The following PTPN18 variants were observed in gnomAD, a reference collection of about 807,000 sequenced individuals.
PTPN18 encodes tyrosine-protein phosphatase non-receptor type 18.
PTPN18 carries 65 observed loss-of-function variants against 65.4 expected under a neutral mutation model. That is an observed-to-expected ratio of 0.99 (90% CI 0.81 to 1.22). PTPN18 has a LOEUF of 1.22. Ranked by LOEUF, PTPN18 falls within the 50% of genes most tolerant of loss-of-function variation. The probability of loss-of-function intolerance (pLI) is 0.00; values close to 1 mark genes in which losing one functional copy is unlikely to be tolerated. For missense variants in PTPN18, 616 were observed against 646.5 expected, an observed-to-expected ratio of 0.95 and a Z score of 0.51; for synonymous variants, 255 against 267.8, an observed-to-expected ratio of 0.95 and a Z score of 0.47.
chr2:130,362,843 G>A (rs558281060), intron 5 of PTPN18, among the ~76,000 whole-genome samples: 4 of 151,764 alleles, frequency 2.6e-5, no homozygotes, highest in East Asian at 1.9e-4. Flanking sequence ...TTTTTGAGAC[G>A]GAGCCTCGCT....
chr2:130,372,525 T>C (rs1320454240), intron 13 of PTPN18, 42 bp downstream of exon 13: 91 of 1,401,104 alleles, frequency 6.5e-5, no homozygotes, highest in Middle Eastern at 2.2e-4. Flanking sequence ...CATCCTGCTG[T>C]GATCCGCAGG....
chr2:130,372,099 A>T, intron 12 of PTPN18, 158 bp from the exon 13 acceptor site: 1 of 629,646 alleles, frequency 1.6e-6, no homozygotes, highest in Non-Finnish European at 2.6e-6. Context: ...GGCGCTAGGG[A>T]CACAGAAGCG....
chr2:130,368,883 C>T (rs1488020073), intron 5 of PTPN18: 5 of 370,756 alleles, frequency 1.3e-5, no homozygotes, highest in Middle Eastern at 7.1e-4. Flanking sequence ...GTATTTTGTC[C>T]AGTTTCTAGT....
At chr2:130,358,608 G>A (rs747493155) in intron 1 of PTPN18, among the ~76,000 whole-genome samples, 2 of 152,124 alleles carry the variant, frequency 1.3e-5, no homozygotes, top group Non-Finnish European at 2.9e-5. Context: ...GCACAATGGG[G>A]ACGTCAATAA....
chr2:130,374,260 C>T lies in PTPN18; in HGVS notation c.*1036C>T, dbSNP rs1281197174. 4.8e-6 allele frequency: 1 copy of T among 207,122 alleles called. No individual in the cohort carries two copies. The highest frequency in any genetic ancestry group is 1.0e-5 in the Non-Finnish European group (1 of 99,820). 12.8% of individuals were successfully genotyped at this position (207,122 alleles called of 1,614,324 possible). ...TCTAGGCAGACCCCAGCCAGACCCC[C>T]GCCAGACAGACTCCCAACCAGACTG... On this transcript the variant is annotated 3_prime_UTR_variant, in exon 15 of 15. Coordinates refer to ENST00000175756, the MANE Select transcript of PTPN18 (RefSeq NM_014369.4).
Position 130,370,931 on chromosome 2 carries a change from G to A in PTPN18, c.891G>A (p.Gln297=). ...CTCAGATGTTCTGCTCCACACTCCA[G>A]AATGCCAGCCCCCACTACCAGAACA... ...TVAQMFCSTL[Q]NASPHYQNIK... The change falls in exon 11 of 15, where the codon CAG becomes CAA. Residue 297 remains glutamine (Q), a synonymous_variant. Transcript: ENST00000175756. 1 of 1,614,106 alleles carries A rather than the reference G, an allele frequency of 6.2e-7. No homozygotes were observed.
chr2:130,370,760 G>C lies in PTPN18; in HGVS notation c.812G>C (p.Arg271Pro). 6.2e-7 allele frequency: 1 copy of C among 1,614,160 alleles called. No individual in the cohort carries two copies. Among genetic ancestry groups the C allele is most frequent in the Non-Finnish European group, 8.5e-7 (1 of 1,180,006 alleles). Reference sequence around the variant, plus strand: ...GTGGTCCTTAAGATGAGGAAGCAGCGGCCTGCGGCCGTGCAGACAGAGGTG... The same window carrying C: ...GTGGTCCTTAAGATGAGGAAGCAGCCGCCTGCGGCCGTGCAGACAGAGGTG... ...FDVVLKMRKQ[R>P]PAAVQTEEQY... The change falls in exon 10 of 15, where the codon CGG becomes CCG. Residue 271 changes from arginine to proline, a missense_variant. By Grantham distance (103) the Arg-to-Pro change is moderately radical (BLOSUM62 -2). Coordinates refer to ENST00000175756, the MANE Select transcript of PTPN18 (RefSeq NM_014369.4).
At chr2:130,360,413 T>C (rs926827814) in intron 5 of PTPN18, among the ~76,000 whole-genome samples, 1 of 152,184 alleles carries the variant, frequency 6.6e-6, no homozygotes, top group South Asian at 2.1e-4. Flanking sequence ...ACTCCATGGA[T>C]GGGGTAGGGG....
At chr2:130,369,009 G>C (rs1680469184) in intron 5 of PTPN18, 124 bp from the exon 6 acceptor site, 1 of 768,746 alleles carries the variant, frequency 1.3e-6, no homozygotes, top group East Asian at 2.5e-5. Flanking sequence ...TCTGTTATAG[G>C]TTATAAGTAT....
At chr2:130,372,152 G>A (rs375253379) in intron 12 of PTPN18, 105 bp from the exon 13 acceptor site, 2 of 1,132,122 alleles carry the variant, frequency 1.8e-6, no homozygotes, top group Non-Finnish European at 2.5e-6. Flanking sequence ...CTAGCGCACC[G>A]CCTCGGCGGG....
rs143328419 is a variant in PTPN18 at position 130,361,518 on chromosome 2, CTT to C, written c.414+1874_414+1875del. Among the ~76,000 whole-genome samples, 9 of 50,294 alleles carry C rather than the reference CTT, an allele frequency of 1.8e-4. No homozygotes were observed. In the East Asian group the frequency reaches 2.2e-3, roughly 12 times the overall value. 33.0% of individuals were successfully genotyped at this position (50,294 alleles called of 152,430 possible). Reference sequence around the variant, plus strand: ...AAATTTCTTTCTTTTCTTTCTCTTTCTTTCTTTCTTTCTTTCTTTCTTTCTTT... The same window carrying C: ...AAATTTCTTTCTTTTCTTTCTCTTTCTCTTTCTTTCTTTCTTTCTTTCTTT... On this transcript the variant is annotated intron_variant, in intron 5 of 14. Coordinates refer to ENST00000175756, the MANE Select transcript of PTPN18 (RefSeq NM_014369.4).
At chr2:130,365,270 C>G (rs1260408399) in intron 5 of PTPN18, among the ~76,000 whole-genome samples, 1 of 152,136 alleles carries the variant, frequency 6.6e-6, no homozygotes, top group African/African-American at 2.4e-5. Flanking sequence ...CTGTTGTTAA[C>G]CAAAACATCA....
At chr2:130,367,993 A>G (rs1395478185) in intron 5 of PTPN18, among the ~76,000 whole-genome samples, 2 of 151,820 alleles carry the variant, frequency 1.3e-5, no homozygotes, top group Admixed American at 1.3e-4. Flanking sequence ...TTTCATGTCT[A>G]TTGATCCTTT....
chr2:130,369,337 A>T, intron 6 of PTPN18, 136 bp downstream of exon 6: 2 of 784,472 alleles, frequency 2.5e-6, no homozygotes, highest in Non-Finnish European at 4.1e-6. Context: ...AATAGTTAGA[A>T]CTTACTATAG....
In PTPN18 at chr2:130,359,602, G is replaced by C. The variant is rs767031902; in HGVS notation, c.376-6G>C. 2 of 1,614,092 alleles carry C rather than the reference G, an allele frequency of 1.2e-6. No homozygotes were observed. Among genetic ancestry groups the C allele is most frequent in the Non-Finnish European group, 1.7e-6 (2 of 1,179,992 alleles). The stretch of plus-strand genomic sequence containing the variant: ...ACCTTCCTCTCCCCTGACCCTCCTT[G>C]TCTAGGTGATCCTGATGGCCTGTCG... On this transcript the variant is annotated splice_polypyrimidine_tract_variant and splice_region_variant and intron_variant, in intron 4 of 14. Transcript: ENST00000175756.
chr2:130,368,874 T>C (rs1323002342), intron 5 of PTPN18: 2 of 346,066 alleles, frequency 5.8e-6, no homozygotes, highest in Non-Finnish European at 1.1e-5. Flanking sequence ...GTGGCTCATG[T>C]ATTTTGTCCA....
chr2:130,362,083 G>A lies in PTPN18; in HGVS notation c.414+2437G>A, dbSNP rs576079797. On this transcript the variant is annotated intron_variant, in intron 5 of 14. Coordinates refer to ENST00000175756, the MANE Select transcript of PTPN18 (RefSeq NM_014369.4). Reference sequence around the variant, plus strand: ...CCTGGGCTCAAATGATCATGCTAGCGCAGCCTCCCTGAGGAGTTGGGACTA... The same window carrying A: ...CCTGGGCTCAAATGATCATGCTAGCACAGCCTCCCTGAGGAGTTGGGACTA... 16 of 466,264 alleles carry A rather than the reference G, an allele frequency of 3.4e-5. No homozygotes were observed. The East Asian group carries it at 5.7e-4, about 17-fold the overall frequency. The allele number at this position is 466,264 out of a possible 1,614,324, so 28.9% of individuals were successfully genotyped here.
rs781117022 is a variant in PTPN18, at chr2:130,358,917, C to T, written c.144C>T (p.Thr48=). Residue 48 remains threonine, a synonymous_variant, in exon 2 of 15, where the codon ACC becomes ACT. Transcript: ENST00000175756. The part of the protein sequence containing the change: ...AAWKADGVCS[T]VAGSRPENVR... ...GGAAGGCTGACGGCGTGTGCTCCAC[C>T]GTGGCCGGCAGTCGGCCAGAGAACG... 12 of 1,614,038 alleles carry T rather than the reference C, an allele frequency of 7.4e-6. No individual in the cohort carries two copies. The highest frequency in any genetic ancestry group is 4.4e-5 in the South Asian group (4 of 91,082).
chr2:130,356,250 C>G, intron 1 of PTPN18, 50 bp downstream of exon 1: 1 of 1,236,806 alleles, frequency 8.1e-7, no homozygotes, highest in Non-Finnish European at 1.0e-6. Context: ...CCTGGCCCTG[C>G]GTACGCCTGT....
Sources: allele counts gnomAD v4.1 joint callset (sites outside exome capture counted in the v4.1 genomes callset), GRCh38; gene constraint gnomAD v4.1.1; transcripts MANE v1.5; gene names NCBI Gene and HGNC (gene_info 2026-07-23, HGNC 2026-07-21).